SEPTIN2: variants seen among roughly 807,000 people sequenced by gnomAD.
The protein encoded by SEPTIN2 is septin 2, also known as septin-2.
A neutral mutation model predicts 46.5 loss-of-function variants in SEPTIN2; 34 were observed. The observed-to-expected ratio is 0.73, with a 90% CI of 0.56 to 0.97. SEPTIN2 has a LOEUF of 0.97. Among genes scored for constraint, SEPTIN2 ranks in the 50% least tolerant of loss-of-function variants. The pLI is 0.00. For synonymous variants in SEPTIN2, 175 were observed against 153.4 expected (o/e 1.14, Z -1.04); for missense variants, 347 against 448.4 (o/e 0.77, Z 2.04).
intron 3 of SEPTIN2, among the ~76,000 whole-genome samples, chr2:241,333,782 C>T (rs1344112906): frequency 2.0e-5 from 3 of 152,198 alleles, no homozygotes; most frequent in Non-Finnish European, 2.9e-5. Context: ...GGATTACAGG[C>T]GTGGGCCACC....
At chr2:241,348,538 AC>A (rs1214918052) in intron 11 of SEPTIN2, among the ~76,000 whole-genome samples, 4 of 151,920 alleles carry the variant, frequency 2.6e-5, no homozygotes, top group African/African-American at 9.7e-5. Context: ...GCCAAAAAGT[AC>A]TATTCTTGTG....
At chr2:241,339,540 T>C (rs1056964159) in intron 7 of SEPTIN2, among the ~76,000 whole-genome samples, 1 of 152,198 alleles carries the variant, frequency 6.6e-6, no homozygotes. Flanking sequence ...AGCATCCTCA[T>C]ATATATACTG....
At chr2:241,334,065 G>T (rs1335135711) in intron 3 of SEPTIN2, among the ~76,000 whole-genome samples, 3 of 152,088 alleles carry the variant, frequency 2.0e-5, no homozygotes, top group Admixed American at 6.6e-5. Context: ...GGAGATGGGG[G>T]TCTCACTATT....
At chr2:241,326,144 C>G in intron 3 of SEPTIN2, 31 bp downstream of exon 3, 1 of 1,587,248 alleles carries the variant, frequency 6.3e-7, no homozygotes, top group Non-Finnish European at 8.6e-7. Flanking sequence ...CTCCAACTTA[C>G]TAAATAAATA....
chr2:241,353,040 G>C lies in SEPTIN2; in HGVS notation c.*1103G>C, dbSNP rs1248854879. 6.6e-6 allele frequency: 1 copy of C among 152,288 alleles called. No individual in the cohort carries two copies. The highest frequency in any genetic ancestry group is 1.9e-4 in the East Asian group (1 of 5,190). 9.4% of individuals were successfully genotyped at this position (152,288 alleles called of 1,614,324 possible). ...GTGCCCTGAACCTCTGATGCCTACC[G>C]GGTTCTCCTGATTTGAGTTTCCTTT... On this transcript the variant is annotated 3_prime_UTR_variant, in exon 13 of 13. Transcript: ENST00000391971.
chr2:241,350,034 C>T (rs753634108), intron 11 of SEPTIN2, 39 bp from the exon 12 acceptor site: 9 of 1,591,924 alleles, frequency 5.7e-6, no homozygotes, highest in Non-Finnish European at 6.9e-6. Flanking sequence ...TCAAAGACAG[C>T]AAACCTTGAA....
intron 3 of SEPTIN2, among the ~76,000 whole-genome samples, 161 bp downstream of exon 3, chr2:241,326,274 C>T (rs2077950058): frequency 1.3e-5 from 2 of 152,120 alleles, no homozygotes; most frequent in African/African-American, 4.8e-5. Context: ...GAAAATTTTT[C>T]TCAGGAGCAA....
At chr2:241,329,451 C>T (rs2078611650) in intron 3 of SEPTIN2, among the ~76,000 whole-genome samples, 1 of 152,146 alleles carries the variant, frequency 6.6e-6, no homozygotes, top group African/African-American at 2.4e-5. Flanking sequence ...GTAGGAAACA[C>T]CTACCAGCCT....
At chr2:241,335,547 A>G in intron 4 of SEPTIN2, 1 of 629,748 alleles carries the variant, frequency 1.6e-6, no homozygotes, top group East Asian at 2.8e-5. Flanking sequence ...ACTAGGATAG[A>G]TGTTCGAATT....
At chr2:241,323,866 G>C (rs2077519032) in intron 1 of SEPTIN2, among the ~76,000 whole-genome samples, 1 of 152,192 alleles carries the variant, frequency 6.6e-6, no homozygotes, top group Non-Finnish European at 1.5e-5. Flanking sequence ...TACACTTGAA[G>C]GGATTTGTTT....
At chr2:241,335,780 A>T (rs2079859990) in intron 4 of SEPTIN2, 195 bp from the exon 5 acceptor site, 1 of 638,396 alleles carries the variant, frequency 1.6e-6, no homozygotes, top group Non-Finnish European at 2.7e-6. Context: ...AACCTTCCCC[A>T]GTAGCACAAT....
At chr2:241,345,536 A>G (rs1405846974) in intron 9 of SEPTIN2, among the ~76,000 whole-genome samples, 1 of 152,180 alleles carries the variant, frequency 6.6e-6, no homozygotes, top group Non-Finnish European at 1.5e-5. Flanking sequence ...AATCAATAGG[A>G]ACGTGTTACA....
chr2:241,330,694 C>T (rs1160568321), intron 3 of SEPTIN2, among the ~76,000 whole-genome samples: 1 of 152,270 alleles, frequency 6.6e-6, no homozygotes, highest in Admixed American at 6.5e-5. Context: ...GCTATTGTTC[C>T]GTAATGTATC....
At chr2:241,338,233 G>T (rs922034167) in intron 7 of SEPTIN2, among the ~76,000 whole-genome samples, 1 of 152,086 alleles carries the variant, frequency 6.6e-6, no homozygotes, top group Non-Finnish European at 1.5e-5. Flanking sequence ...CCTCTCACCC[G>T]CCAGCAGCTC....
At chr2:241,324,156 C>A in intron 1 of SEPTIN2, 60 bp from the exon 2 acceptor site, 2 of 1,492,036 alleles carry the variant, frequency 1.3e-6, no homozygotes, top group Non-Finnish European at 1.8e-6. Flanking sequence ...AATATACGTG[C>A]GTATACATAC....
intron 9 of SEPTIN2, 90 bp from the exon 10 acceptor site, chr2:241,346,076 A>G (rs1392219741): frequency 3.6e-6 from 3 of 838,004 alleles, no homozygotes; most frequent in East Asian, 2.5e-5. Context: ...AATTACTGCT[A>G]TTTCTTCTAT....
At chr2:241,343,167 G>A (rs569208483) in intron 8 of SEPTIN2, 74 bp downstream of exon 8, 2 of 848,852 alleles carry the variant, frequency 2.4e-6, no homozygotes, top group Non-Finnish European at 4.0e-6. Context: ...GAGAGAGATT[G>A]CCTGGGTATG....
chr2:241,340,361 C>A (rs1027446171), intron 7 of SEPTIN2, among the ~76,000 whole-genome samples: 1 of 152,110 alleles, frequency 6.6e-6, no homozygotes. Context: ...TTGACTATCA[C>A]GTTGCAGATG....
At chr2:241,350,914 TG>T (rs1175409890) in intron 12 of SEPTIN2, among the ~76,000 whole-genome samples, 1 of 152,038 alleles carries the variant, frequency 6.6e-6, no homozygotes, top group East Asian at 1.9e-4. Context: ...AGGAAAAGCA[TG>T]AAAGGTAAAG....
Sources: allele counts gnomAD v4.1 joint callset (sites outside exome capture counted in the v4.1 genomes callset), GRCh38; gene constraint gnomAD v4.1.1; transcripts MANE v1.5; gene names NCBI Gene and HGNC (gene_info 2026-07-23, HGNC 2026-07-21).